RSPO2: variants seen among roughly 807,000 people sequenced by gnomAD.
RSPO2 encodes R-spondin-2.
In RSPO2, 14 loss-of-function variants were observed where a neutral mutation model predicts 30.9. The ratio of observed to expected loss-of-function variants is 0.45; its 90% CI spans 0.30 to 0.71. RSPO2 has a LOEUF of 0.71. Among genes scored for constraint, RSPO2 ranks in the 30% least tolerant of loss-of-function variants. The probability of loss-of-function intolerance (pLI) is 0.08; values close to 1 mark genes in which losing one functional copy is unlikely to be tolerated. For missense variants in RSPO2, 264 were observed against 301.9 expected (o/e 0.87, Z 0.93); for synonymous variants, 107 against 96.4 (o/e 1.11, Z -0.64).
chr8:107,985,399 A>G (rs1814587799), intron 3 of RSPO2, among the ~76,000 whole-genome samples: 1 of 152,062 alleles, frequency 6.6e-6, no homozygotes, highest in African/African-American at 2.4e-5. Context: ...AAAAACTAAA[A>G]GTGAATTTCA....
intron 2 of RSPO2, among the ~76,000 whole-genome samples, chr8:108,021,200 T>C (rs1176851862): frequency 6.6e-6 from 1 of 152,206 alleles, no homozygotes; most frequent in African/African-American, 2.4e-5. Flanking sequence ...TTTTATGTTA[T>C]ATAAATCATT....
chr8:107,997,135 T>C (rs1319003491), intron 2 of RSPO2: 2 of 227,118 alleles, frequency 8.8e-6, no homozygotes, highest in Non-Finnish European at 1.8e-5. Context: ...TTCACCATTG[T>C]CCACTATTTT....
chr8:107,924,200 T>C (rs1055927787), intron 5 of RSPO2, among the ~76,000 whole-genome samples: 2 of 151,906 alleles, frequency 1.3e-5, no homozygotes, highest in Non-Finnish European at 2.9e-5. Context: ...TCTGAAGATG[T>C]GCTTCAGAAA....
intron 5 of RSPO2, 135 bp downstream of exon 5, chr8:107,957,945 C>A (rs900570650): frequency 3.3e-6 from 2 of 603,720 alleles, no homozygotes; most frequent in Non-Finnish European, 5.7e-6. Flanking sequence ...ATAAGTACAA[C>A]AAAACTTTAT....
chr8:108,022,929 A>C (rs892096815), intron 2 of RSPO2, among the ~76,000 whole-genome samples: 10 of 150,200 alleles, frequency 6.7e-5, no homozygotes, highest in African/African-American at 9.9e-5. Context: ...GTCAAAAAAA[A>C]AAACAAAAAA....
intron 5 of RSPO2, among the ~76,000 whole-genome samples, chr8:107,944,720 T>C (rs1812999871): frequency 6.6e-6 from 1 of 152,198 alleles, no homozygotes. Context: ...TCATGGGGAA[T>C]TCACTCTTTC....
intron 2 of RSPO2, among the ~76,000 whole-genome samples, chr8:108,005,453 A>G (rs1363843911): frequency 6.6e-6 from 1 of 151,116 alleles, no homozygotes; most frequent in Non-Finnish European, 1.5e-5. Flanking sequence ...TGATTCTTTA[A>G]CTCCGTCATT....
intron 5 of RSPO2, among the ~76,000 whole-genome samples, chr8:107,927,638 G>A (rs534829191): frequency 2.6e-5 from 4 of 152,138 alleles, no homozygotes; most frequent in Non-Finnish European, 5.9e-5. Flanking sequence ...GGCCTTTTCT[G>A]CATCTATTGA....
intron 5 of RSPO2, among the ~76,000 whole-genome samples, chr8:107,945,891 G>A (rs1391058349): frequency 6.6e-6 from 1 of 151,970 alleles, no homozygotes; most frequent in Non-Finnish European, 1.5e-5. Context: ...AAAATTTAAT[G>A]TTTCAATTTT....
chr8:107,940,721 A>AC (rs1458641164), intron 5 of RSPO2, among the ~76,000 whole-genome samples: 1 of 152,156 alleles, frequency 6.6e-6, no homozygotes, highest in Non-Finnish European at 1.5e-5. Flanking sequence ...AAGCTAAAGA[A>AC]CCCCTTCCAA....
At chr8:107,944,185 T>C (rs920173174) in intron 5 of RSPO2, among the ~76,000 whole-genome samples, 7 of 152,198 alleles carry the variant, frequency 4.6e-5, no homozygotes, top group South Asian at 2.1e-4. Flanking sequence ...TAAGATTGCA[T>C]TAATGACTAA....
At chr8:108,062,841 G>A (rs1391931283) in intron 2 of RSPO2, among the ~76,000 whole-genome samples, 2 of 151,946 alleles carry the variant, frequency 1.3e-5, no homozygotes, top group East Asian at 3.9e-4. Flanking sequence ...CCATGATCAA[G>A]TGGGCTTCAT....
chr8:107,931,723 A>G (rs568921331), intron 5 of RSPO2, among the ~76,000 whole-genome samples: 1 of 152,206 alleles, frequency 6.6e-6, no homozygotes, highest in South Asian at 2.1e-4. Context: ...TCTAATTTTC[A>G]TTGTCAAGCA....
At chr8:108,011,526 A>G (rs186149389) in intron 2 of RSPO2, among the ~76,000 whole-genome samples, 24 of 152,342 alleles carry the variant, frequency 1.6e-4, no homozygotes, top group African/African-American at 5.5e-4. Context: ...TTCTCTCTTC[A>G]AATGTTTTAA....
chr8:107,950,077 TC>T (rs1813192349), intron 5 of RSPO2, among the ~76,000 whole-genome samples: 1 of 152,182 alleles, frequency 6.6e-6, no homozygotes, highest in Non-Finnish European at 1.5e-5. Flanking sequence ...AGCTTTTGCC[TC>T]CCTACTGAGC....
chr8:107,915,276 C>T (rs1454492062), intron 5 of RSPO2, among the ~76,000 whole-genome samples: 1 of 152,098 alleles, frequency 6.6e-6, no homozygotes, highest in South Asian at 2.1e-4. Context: ...CATCCCATAA[C>T]TGTAGCCATA....
Position 108,047,332 on chromosome 8 carries a change from A to G in RSPO2, c.94+35213T>C, listed in dbSNP as rs142082325. 4.9e-3 allele frequency among the ~76,000 whole-genome samples: 750 copies of G among 152,338 alleles called. 5 individuals carry two copies. The highest frequency in any genetic ancestry group is 0.017 in the African/African-American group (701 of 41,576). ...TCATATGTCAGAGGCCATGCCTAGTATATGCAAGGAGACTCTGGGGATTTT... is the reference window on the plus strand; with the variant it reads ...TCATATGTCAGAGGCCATGCCTAGTGTATGCAAGGAGACTCTGGGGATTTT... On this transcript the variant is annotated intron_variant, in intron 2 of 5. Coordinates refer to ENST00000276659, the MANE Select transcript of RSPO2 (RefSeq NM_178565.5).
intron 2 of RSPO2, among the ~76,000 whole-genome samples, chr8:108,067,700 C>A (rs980055748): frequency 5.3e-5 from 8 of 152,192 alleles, no homozygotes; most frequent in African/African-American, 1.9e-4. Flanking sequence ...AGACACTCTA[C>A]CACCAGAAGC....
chr8:107,964,591 C>T (rs1330365000), intron 3 of RSPO2, among the ~76,000 whole-genome samples: 1 of 152,118 alleles, frequency 6.6e-6, no homozygotes, highest in Non-Finnish European at 1.5e-5. Context: ...AGGTCTCCTA[C>T]TTGATGTGCT....
Sources: allele counts gnomAD v4.1 joint callset (sites outside exome capture counted in the v4.1 genomes callset), GRCh38; gene constraint gnomAD v4.1.1; transcripts MANE v1.5; gene names NCBI Gene and HGNC (gene_info 2026-07-23, HGNC 2026-07-21).